Variants in NUP85 observed in about 807,000 individuals in gnomAD.
The protein encoded by NUP85 is nucleoporin 85.
Under a neutral mutation model 92.8 loss-of-function variants are expected in NUP85, and 23 were observed. That is an observed-to-expected ratio of 0.25 (90% CI 0.18 to 0.35). NUP85 has a LOEUF of 0.35. Ranked by LOEUF, NUP85 falls within the 10% of genes least tolerant of loss-of-function variation. NUP85 has a pLI of 1.00. For synonymous variants in NUP85, 314 were observed against 306.9 expected, an observed-to-expected ratio of 1.02 and a Z score of -0.24; for missense variants, 759 against 822.8, an observed-to-expected ratio of 0.92 and a Z score of 0.95.
intron 1 of NUP85, among the ~76,000 whole-genome samples, chr17:75,206,634 A>G (rs1001501608): frequency 1.3e-5 from 2 of 152,104 alleles, no homozygotes; most frequent in Non-Finnish European, 2.9e-5. Context: ...TACCTGTGAA[A>G]AGAGGGAGCA....
rs1298506744 is a variant in NUP85 at position 75,213,866 on chromosome 17, T to G, written c.405+747T>G. Among the ~76,000 whole-genome samples the G allele has an allele frequency of 4.6e-4, 67 of 145,228 alleles. 1 individual carries two copies. The highest frequency in any genetic ancestry group is 6.1e-4 in the East Asian group (3 of 4,898). Reference sequence around the variant, plus strand: ...GCCACACCTGGCAAAACTCAAGTTTTTTTTTTTTTTTTTTTTTTTTTTTGA... The same window carrying G: ...GCCACACCTGGCAAAACTCAAGTTTGTTTTTTTTTTTTTTTTTTTTTTTGA... On this transcript the variant is annotated intron_variant, in intron 5 of 18. Transcript: ENST00000245544.
intron 4 of NUP85, among the ~76,000 whole-genome samples, chr17:75,212,290 A>T (rs2145284314): frequency 2.3e-5 from 2 of 85,418 alleles, no homozygotes; most frequent in Non-Finnish European, 3.8e-5. Flanking sequence ...TTTTTTTGAG[A>T]CCGAGTGTTG....
Position 75,211,519 on chromosome 17 carries a change from C to T in NUP85, c.291-473C>T, listed in dbSNP as rs191458993. Among the ~76,000 whole-genome samples, 106 of 149,056 alleles carry T rather than the reference C, an allele frequency of 7.1e-4. No individual in the cohort carries two copies. In the East Asian group the frequency reaches 0.014, roughly 19 times the overall value. ...TTGGCTCACTGCAACCTCCGCCTGCCGGGTTCAAGAGATTCTCCTGCCTCA... is the reference window on the plus strand; with the variant it reads ...TTGGCTCACTGCAACCTCCGCCTGCTGGGTTCAAGAGATTCTCCTGCCTCA... On this transcript the variant is annotated intron_variant, in intron 3 of 18. Coordinates refer to ENST00000245544, the MANE Select transcript of NUP85 (RefSeq NM_024844.5).
Position 75,231,109 on chromosome 17 carries a change from T to TTTG in NUP85, c.1095-231_1095-230insTTG. The TTTG allele has an allele frequency of 2.0e-6, 1 of 500,462 alleles. No individual in the cohort carries two copies. Among genetic ancestry groups the TTTG allele is most frequent in the East Asian group, 3.7e-5 (1 of 27,386 alleles). 31.0% of individuals were successfully genotyped at this position (500,462 alleles called of 1,614,324 possible). A position where few individuals can be genotyped will look rare whatever the true frequency, so the allele number is the denominator to read the frequency against. ...ACCATGCCTGGCTAATTTTTGTATTTGTAGAGATGGGGTTTTGCCATGTTG... is the reference window on the plus strand; with the variant it reads ...ACCATGCCTGGCTAATTTTTGTATTTTTGGTAGAGATGGGGTTTTGCCATGTTG... On this transcript the variant is annotated intron_variant, in intron 11 of 18. Coordinates refer to ENST00000245544, the MANE Select transcript of NUP85 (RefSeq NM_024844.5). The surrounding 1 kb of genome is among the most constrained non-coding windows in gnomAD (Gnocchi z 4.6).
At chr17:75,217,373 A>AT (rs60288170) in intron 6 of NUP85, among the ~76,000 whole-genome samples, 8,645 of 148,684 alleles carry the variant, frequency 0.058, 823 homozygotes, top group African/African-American at 0.2. Flanking sequence ...CTAATTTTTT[A>AT]TTTTTTTTTG....
At chr17:75,210,600 T>C (rs867520039) in intron 3 of NUP85, among the ~76,000 whole-genome samples, 8 of 152,172 alleles carry the variant, frequency 5.3e-5, no homozygotes, top group Non-Finnish European at 8.8e-5. Flanking sequence ...GAATGGGCAG[T>C]GTTGGTATGT....
intron 4 of NUP85, 53 bp downstream of exon 4, chr17:75,212,115 T>G: frequency 2.0e-6 from 2 of 997,118 alleles, no homozygotes; most frequent in South Asian, 1.7e-5. Flanking sequence ...TGTGTGGGTA[T>G]TTTGAGTATT....
intron 7 of NUP85, among the ~76,000 whole-genome samples, chr17:75,219,730 G>A (rs2075541874): frequency 6.6e-6 from 1 of 152,194 alleles, no homozygotes; most frequent in African/African-American, 2.4e-5. Flanking sequence ...CTGGCACATA[G>A]TGAAATGCTC....
chr17:75,218,352 C>A, intron 7 of NUP85, 46 bp downstream of exon 7: 1 of 1,608,038 alleles, frequency 6.2e-7, no homozygotes, highest in South Asian at 1.1e-5. Flanking sequence ...TCCTACTGTC[C>A]CTGGTGCTGC....
At chr17:75,213,216 T>C (rs541529638) in intron 5 of NUP85, 97 bp downstream of exon 5, 2 of 1,052,216 alleles carry the variant, frequency 1.9e-6, no homozygotes, top group Non-Finnish European at 2.9e-6. Context: ...GGCAGAAGTC[T>C]CTTCTTTTCA....
chr17:75,217,426 TC>T (rs34902777), intron 6 of NUP85, among the ~76,000 whole-genome samples: 1 of 151,824 alleles, frequency 6.6e-6, no homozygotes, highest in Non-Finnish European at 1.5e-5. Flanking sequence ...AGTGTCAAAC[TC>T]CTGGGCTCAA....
chr17:75,210,949 C>T (rs1449221506), intron 3 of NUP85, among the ~76,000 whole-genome samples: 1 of 149,518 alleles, frequency 6.7e-6, no homozygotes, highest in African/African-American at 2.5e-5. Flanking sequence ...GATCCACCTG[C>T]TTCGGCCTCC....
intron 5 of NUP85, among the ~76,000 whole-genome samples, chr17:75,214,400 T>C (rs574911673): frequency 1.3e-5 from 2 of 152,292 alleles, no homozygotes; most frequent in African/African-American, 4.8e-5. Flanking sequence ...TTCGGGGTCT[T>C]ATATTGGGCT....
chr17:75,218,594 T>TTTTG (rs2075503022), intron 7 of NUP85, among the ~76,000 whole-genome samples: 1 of 137,180 alleles, frequency 7.3e-6, no homozygotes, highest in African/African-American at 2.7e-5. Flanking sequence ...AACCGTTTTT[T>TTTTG]TTTTTTTTTT....
chr17:75,235,160 A>G lies in NUP85; in HGVS notation c.1828A>G (p.Arg610Gly). ...GCGGTGTCTGGAGGACTTGACGTCA[A>G]GAAGACCTGTGCATGGAGAATCTGA... ...LMRCLEDLTS[R>G]RPVHGESDTE... Residue 610 changes from arginine (R) to glycine (G), a missense_variant, in exon 18 of 19, where the codon AGA becomes GGA. By Grantham distance (125) the Arg-to-Gly change is moderately radical. Coordinates refer to ENST00000245544, the MANE Select transcript of NUP85 (RefSeq NM_024844.5). 6.2e-7 allele frequency: 1 copy of G among 1,614,182 alleles called. No homozygotes were observed. The highest frequency in any genetic ancestry group is 8.5e-7 in the Non-Finnish European group (1 of 1,179,996).
chr17:75,226,834 G>A (rs2075815144), intron 11 of NUP85: 1 of 427,474 alleles, frequency 2.3e-6, no homozygotes, highest in Non-Finnish European at 4.7e-6. Context: ...GCACCTAATG[G>A]ACACCTTATG....
intron 7 of NUP85, among the ~76,000 whole-genome samples, chr17:75,219,122 A>G (rs1312169812): frequency 6.6e-6 from 1 of 152,164 alleles, no homozygotes; most frequent in Non-Finnish European, 1.5e-5. Context: ...TGACTGGGCT[A>G]ATGGAAAGTC....
chr17:75,209,845 T>C lies in NUP85; in HGVS notation c.150T>C (p.Ser50=). 6.3e-7 allele frequency: 1 copy of C among 1,579,424 alleles called. No homozygotes were observed. Among genetic ancestry groups the C allele is most frequent in the Non-Finnish European group, 8.5e-7 (1 of 1,170,292 alleles). ...NKKEKSEMVP[S]CPFIYIIRKD... ...CAGAAAAATCAGAGATGGTGCCAAG[T>C]TGCCCCTTTATCTATATCATCCGTA... Residue 50 remains serine (S), a synonymous_variant, in exon 3 of 19, where the codon AGT becomes AGC. Coordinates refer to ENST00000245544, the MANE Select transcript of NUP85 (RefSeq NM_024844.5).
intron 7 of NUP85, among the ~76,000 whole-genome samples, chr17:75,221,535 C>A (rs541057704): frequency 1.3e-5 from 2 of 152,280 alleles, no homozygotes; most frequent in South Asian, 4.1e-4. Flanking sequence ...TGTGCCCGGT[C>A]ACTAGGTGTG....
Sources: allele counts gnomAD v4.1 joint callset (sites outside exome capture counted in the v4.1 genomes callset), GRCh38; gene constraint gnomAD v4.1.1; non-coding constraint Gnocchi (gnomAD v3.1); transcripts MANE v1.5; gene names NCBI Gene and HGNC (gene_info 2026-07-23, HGNC 2026-07-21).